PHACTR1: variants seen among roughly 807,000 people sequenced by gnomAD.
PHACTR1 encodes RPEL repeat containing 1.
A neutral mutation model predicts 69.2 loss-of-function variants in PHACTR1; 16 were observed. The observed-to-expected ratio is 0.23, with a 90% confidence interval of 0.16 to 0.35. PHACTR1 has a LOEUF of 0.35. Ranked by LOEUF, PHACTR1 falls within the 10% of genes least tolerant of loss-of-function variation. PHACTR1 has a pLI of 1.00. For missense variants in PHACTR1, 510 were observed against 734.7 expected (o/e 0.69, Z 3.54); for synonymous variants, 312 against 284.5 (o/e 1.10, Z -0.97).
At chr6:13,122,148 G>A (rs773713177) in intron 5 of PHACTR1, among the ~76,000 whole-genome samples, 2 of 152,074 alleles carry the variant, frequency 1.3e-5, no homozygotes, top group African/African-American at 2.4e-5. Flanking sequence ...ATACTTGCCC[G>A]CACTTTCCAA....
intron 4 of PHACTR1, among the ~76,000 whole-genome samples, chr6:12,852,128 C>G (rs1468134924): frequency 6.6e-6 from 1 of 152,108 alleles, no homozygotes. Flanking sequence ...AGCCACCACG[C>G]TAGGCCAAAA....
intron 5 of PHACTR1, among the ~76,000 whole-genome samples, chr6:13,153,463 T>C (rs1757742790): frequency 6.6e-6 from 1 of 152,248 alleles, no homozygotes; most frequent in Non-Finnish European, 1.5e-5. Flanking sequence ...TCTTGTCAGC[T>C]AACATTGTTG....
At chr6:12,758,556 G>C (rs1056489712) in intron 4 of PHACTR1, among the ~76,000 whole-genome samples, 1 of 150,504 alleles carries the variant, frequency 6.6e-6, no homozygotes, top group East Asian at 1.9e-4. Flanking sequence ...CCATCAGATT[G>C]ACATCATTAT....
At chr6:12,848,585 A>G (rs1483448020) in intron 4 of PHACTR1, among the ~76,000 whole-genome samples, 1 of 152,234 alleles carries the variant, frequency 6.6e-6, no homozygotes, top group African/African-American at 2.4e-5. Context: ...GGTTTGCAAC[A>G]TGCCTGAAGA....
At chr6:12,836,732 G>A (rs1177457640) in intron 4 of PHACTR1, among the ~76,000 whole-genome samples, 2 of 152,096 alleles carry the variant, frequency 1.3e-5, no homozygotes, top group African/African-American at 4.8e-5. Context: ...GCATCATGTA[G>A]ACCCAGCTAC....
At chr6:13,090,779 G>A (rs1049109236) in intron 5 of PHACTR1, among the ~76,000 whole-genome samples, 11 of 152,088 alleles carry the variant, frequency 7.2e-5, no homozygotes, top group Admixed American at 4.6e-4. Flanking sequence ...AAAATGAGAT[G>A]AGAATAAGAA....
intron 4 of PHACTR1, among the ~76,000 whole-genome samples, chr6:12,790,362 G>A (rs1418660285): frequency 1.3e-5 from 2 of 152,152 alleles, no homozygotes; most frequent in Non-Finnish European, 2.9e-5. Flanking sequence ...GTGCCTTAGA[G>A]GCTTTTCACT....
At chr6:12,893,386 C>G (rs1397624429) in intron 4 of PHACTR1, among the ~76,000 whole-genome samples, 1 of 152,126 alleles carries the variant, frequency 6.6e-6, no homozygotes, top group Non-Finnish European at 1.5e-5. Flanking sequence ...TTCTAATAAG[C>G]CTTCATCCAT....
intron 4 of PHACTR1, among the ~76,000 whole-genome samples, chr6:12,818,779 C>A (rs766368664): frequency 1.3e-5 from 2 of 152,182 alleles, no homozygotes; most frequent in Non-Finnish European, 2.9e-5. Flanking sequence ...CTCACCCATA[C>A]CAACATAGGT....
intron 4 of PHACTR1, among the ~76,000 whole-genome samples, chr6:13,052,870 A>G (rs1372624123): frequency 1.3e-5 from 2 of 152,256 alleles, no homozygotes; most frequent in Non-Finnish European, 1.5e-5. Flanking sequence ...AGGTCTAGGT[A>G]AAGCCAGGTA....
chr6:12,894,202 G>A (rs1784427220), intron 4 of PHACTR1, among the ~76,000 whole-genome samples: 1 of 152,336 alleles, frequency 6.6e-6, no homozygotes, highest in East Asian at 1.9e-4. Flanking sequence ...AGAAAAGCAA[G>A]TGGACAAAAG....
chr6:12,912,700 C>T (rs906649605), intron 4 of PHACTR1, among the ~76,000 whole-genome samples: 1 of 152,184 alleles, frequency 6.6e-6, no homozygotes, highest in Non-Finnish European at 1.5e-5. Context: ...TGCCTGTAAT[C>T]CCATCACTTT....
intron 4 of PHACTR1, among the ~76,000 whole-genome samples, chr6:13,035,743 C>T (rs895033224): frequency 6.6e-6 from 1 of 152,114 alleles, no homozygotes; most frequent in African/African-American, 2.4e-5. Context: ...TCATGGGACT[C>T]ATGACTCTCC....
chr6:13,058,231 T>G (rs1357236626), intron 5 of PHACTR1, among the ~76,000 whole-genome samples: 1 of 152,142 alleles, frequency 6.6e-6, no homozygotes, highest in East Asian at 1.9e-4. Context: ...TTATCCAAAT[T>G]CCTTGAAAAT....
At chr6:13,198,551 C>T (rs1764744784) in intron 7 of PHACTR1, among the ~76,000 whole-genome samples, 1 of 151,580 alleles carries the variant, frequency 6.6e-6, no homozygotes, top group African/African-American at 2.4e-5. Flanking sequence ...CTTCCCTGGC[C>T]CACATTGGAA....
chr6:12,989,959 C>T (rs540908598), intron 4 of PHACTR1, among the ~76,000 whole-genome samples: 1 of 152,304 alleles, frequency 6.6e-6, no homozygotes, highest in Admixed American at 6.5e-5. Flanking sequence ...GAGTGTCTTT[C>T]TCCTTGAGCA....
chr6:13,027,045 A>G (rs1249688475), intron 4 of PHACTR1, among the ~76,000 whole-genome samples: 1 of 152,242 alleles, frequency 6.6e-6, no homozygotes, highest in Non-Finnish European at 1.5e-5. Context: ...AGCTAAATCC[A>G]TAGGTATCAC....
At chr6:12,725,922 A>G (rs964401449) in intron 3 of PHACTR1, among the ~76,000 whole-genome samples, 1 of 152,200 alleles carries the variant, frequency 6.6e-6, no homozygotes. Flanking sequence ...GGTACATAGT[A>G]TAAAGATACA....
intron 8 of PHACTR1, among the ~76,000 whole-genome samples, chr6:13,218,850 AG>A: frequency 1.5e-5 from 2 of 136,604 alleles, no homozygotes; most frequent in South Asian, 2.5e-4. Context: ...GAGGAGGAGG[AG>A]GAAAGAGAAG....
Sources: allele counts gnomAD v4.1 joint callset (sites outside exome capture counted in the v4.1 genomes callset), GRCh38; gene constraint gnomAD v4.1.1; transcripts MANE v1.5; gene names NCBI Gene and HGNC (gene_info 2026-07-23, HGNC 2026-07-21).